PGM1: variants seen among roughly 807,000 people sequenced by gnomAD.
The protein encoded by PGM1 is phosphoglucomutase-1.
A neutral mutation model predicts 55.6 loss-of-function variants in PGM1; 52 were observed. The ratio of observed to expected loss-of-function variants is 0.94; its 90% CI spans 0.75 to 1.18. The LOEUF is 1.18. Ranked by LOEUF, PGM1 falls within the 50% of genes most tolerant of loss-of-function variation. The pLI is 0.00. For missense variants in PGM1, 724 were observed against 729.3 expected, an observed-to-expected ratio of 0.99 and a Z score of 0.08; for synonymous variants, 287 against 271.7, an observed-to-expected ratio of 1.06 and a Z score of -0.55.
rs937697563 is a variant in PGM1 at position 63,597,876 on chromosome 1, T to TTTG, written c.246+4159_246+4161dup. On this transcript the variant is annotated intron_variant, in intron 1 of 10. Transcript: ENST00000371084. ...TGGGAACTTATGAGCAAGGAGGGTATTTGTTGTTGTTGTTGTTGTCAAGTT... is the reference window on the plus strand; with the variant it reads ...TGGGAACTTATGAGCAAGGAGGGTATTTGTTGTTGTTGTTGTTGTTGTCAAGTT... Among the ~76,000 whole-genome samples, 8 of 152,146 alleles carry TTTG rather than the reference T, an allele frequency of 5.3e-5. No homozygotes were observed. The South Asian group carries it at 6.2e-4, about 12-fold the overall frequency.
intron 7 of PGM1, among the ~76,000 whole-genome samples, chr1:63,647,013 C>G (rs1009061957): frequency 6.6e-6 from 1 of 151,754 alleles, no homozygotes; most frequent in Admixed American, 6.6e-5. Context: ...GAGGCCGAGG[C>G]GGATGGATCA....
chr1:63,636,495 T>A, intron 6 of PGM1, 107 bp downstream of exon 6: 1 of 1,134,584 alleles, frequency 8.8e-7, no homozygotes, highest in Non-Finnish European at 1.3e-6. Context: ...CATGGGCATC[T>A]GATGCATAGA....
chr1:63,628,323 T>C (rs1649093588), intron 1 of PGM1, among the ~76,000 whole-genome samples: 3 of 152,130 alleles, frequency 2.0e-5, no homozygotes, highest in African/African-American at 4.8e-5. Flanking sequence ...TGTTCGGAGA[T>C]TGACATATGA....
intron 4 of PGM1, among the ~76,000 whole-genome samples, chr1:63,633,904 GTGTGTGTGTGTGTGTATATATATATA>G (rs1649273780): frequency 2.8e-5 from 1 of 36,034 alleles, no homozygotes; most frequent in African/African-American, 1.8e-4. Flanking sequence ...GTGTGTGTGT[GTGTGTGTGTGTGTGTATATATATATA>G]TATTTTTTTT....
intron 9 of PGM1, among the ~76,000 whole-genome samples, chr1:63,652,347 G>A (rs1298191511): frequency 2.6e-5 from 4 of 152,162 alleles, no homozygotes; most frequent in Admixed American, 6.6e-5. Context: ...ACTTAGAAAC[G>A]TTGACCATCG....
At chr1:63,606,887 C>T (rs1359865064) in intron 1 of PGM1, among the ~76,000 whole-genome samples, 1 of 152,152 alleles carries the variant, frequency 6.6e-6, no homozygotes, top group Non-Finnish European at 1.5e-5. Context: ...GAGACCTTGG[C>T]CGTCAATTAT....
intron 1 of PGM1, among the ~76,000 whole-genome samples, chr1:63,615,284 T>C (rs1648678090): frequency 6.6e-6 from 1 of 152,240 alleles, no homozygotes; most frequent in African/African-American, 2.4e-5. Context: ...GTCTACTATA[T>C]GGCCAGGCAT....
intron 10 of PGM1, 83 bp downstream of exon 10, chr1:63,654,549 A>C: frequency 7.2e-7 from 1 of 1,383,724 alleles, no homozygotes; most frequent in African/African-American, 1.4e-5. Context: ...TTCAATGCCC[A>C]TTTCTCAAAT....
rs79017198 is a variant in PGM1 at position 63,623,025 on chromosome 1, T to A, written c.247-6400T>A. 0.01 allele frequency: 1,712 copies of A among 166,800 alleles called. 13 individuals are homozygous for A. Among genetic ancestry groups the A allele is most frequent in the Non-Finnish European group, 0.016 (1,212 of 77,996 alleles). 10.3% of individuals were successfully genotyped at this position (166,800 alleles called of 1,614,324 possible). ...CACACCAGGGTGTCTTGTTCACAAA[T>A]CTGCTTCGTGGGACTGCATTTGCCC... On this transcript the variant is annotated intron_variant, in intron 1 of 10. Transcript: ENST00000371084.
At chr1:63,625,299 C>T (rs1367263654) in intron 1 of PGM1, among the ~76,000 whole-genome samples, 1 of 152,162 alleles carries the variant, frequency 6.6e-6, no homozygotes, top group Non-Finnish European at 1.5e-5. Context: ...TGGTAGCTGC[C>T]TATTTGTTAG....
At chr1:63,633,163 C>T (rs921623874) in intron 4 of PGM1, among the ~76,000 whole-genome samples, 2 of 152,276 alleles carry the variant, frequency 1.3e-5, no homozygotes, top group Admixed American at 6.5e-5. Context: ...GAAGTGGCAT[C>T]CAACTCAGTT....
chr1:63,656,264 A>G (rs1649963148), intron 10 of PGM1, among the ~76,000 whole-genome samples: 1 of 152,220 alleles, frequency 6.6e-6, no homozygotes, highest in South Asian at 2.1e-4. Flanking sequence ...GCTGTTCTCA[A>G]AAAGACAAAA....
intron 1 of PGM1, among the ~76,000 whole-genome samples, chr1:63,598,208 A>G (rs1308645000): frequency 6.6e-6 from 1 of 152,154 alleles, no homozygotes; most frequent in African/African-American, 2.4e-5. Context: ...TCATGGGCTC[A>G]AGCGATCTGC....
At chr1:63,652,730 C>T (rs935545118) in intron 9 of PGM1, among the ~76,000 whole-genome samples, 3 of 152,114 alleles carry the variant, frequency 2.0e-5, no homozygotes, top group African/African-American at 7.2e-5. Flanking sequence ...AGGGCCGGGC[C>T]GTGGGATTTA....
chr1:63,623,299 A>G (rs1648931845), intron 1 of PGM1: 29 of 1,454,878 alleles, frequency 2.0e-5, no homozygotes, highest in African/African-American at 1.1e-4. Flanking sequence ...AACAACAACA[A>G]GGAATTAACC....
In PGM1 at chr1:63,621,690, CA is replaced by C. The variant is rs532592937; in HGVS notation, c.247-7731del. On this transcript the variant is annotated intron_variant, in intron 1 of 10. Coordinates refer to ENST00000371084, the MANE Select transcript of PGM1 (RefSeq NM_002633.3). ...GACTTTTAAAAACAAATTAAGAGCC[CA>C]AAATAAGCTATAAAAAGTAGTCGTC... is the stretch of plus-strand genomic sequence containing the variant. 3.3e-5 allele frequency among the ~76,000 whole-genome samples: 5 copies of C among 152,190 alleles called. No homozygotes were observed. The South Asian group carries it at 8.3e-4, about 25-fold the overall frequency.
At chr1:63,651,611 T>C in intron 8 of PGM1, 58 bp from the exon 9 acceptor site, 1 of 1,483,844 alleles carries the variant, frequency 6.7e-7, no homozygotes, top group Admixed American at 1.7e-5. Flanking sequence ...TGCTGACTGA[T>C]AGGCCTTGGT....
rs758078079 is a variant in PGM1, at chr1:63,654,391, G to C, written c.1524G>C (p.Gly508=). ...TCGTCTTCCGACTGAGCGGCACTGG[G>C]AGTGCCGGGGCCACCATTCGGCTGT... is the stretch of plus-strand genomic sequence containing the variant. ...SRIVFRLSGT[G]SAGATIRLYI... Residue 508 remains glycine, a synonymous_variant, in exon 10 of 11, where the codon GGG becomes GGC. Coordinates refer to ENST00000371084, the MANE Select transcript of PGM1 (RefSeq NM_002633.3). 27 of 1,612,722 alleles carry C rather than the reference G, an allele frequency of 1.7e-5. No homozygotes were observed. Among genetic ancestry groups the C allele is most frequent in the Non-Finnish European group, 1.8e-5 (21 of 1,178,830 alleles).
At chr1:63,649,273 G>A (rs1050496467) in intron 8 of PGM1, among the ~76,000 whole-genome samples, 2 of 151,958 alleles carry the variant, frequency 1.3e-5, no homozygotes, top group African/African-American at 2.4e-5. Flanking sequence ...GATTTCCATC[G>A]GGTACTTGGA....
Sources: gnomAD v4.1 joint callset for allele counts (sites outside exome capture counted in the v4.1 genomes callset) on GRCh38, gnomAD v4.1.1 for gene constraint, MANE v1.5 for transcripts, NCBI Gene and HGNC (gene_info 2026-07-23, HGNC 2026-07-21) for gene names.